Variants in TOX observed in about 807,000 individuals in gnomAD.
TOX encodes the protein thymocyte selection-associated high mobility group box protein TOX.
TOX carries 11 observed loss-of-function variants against 53.7 expected under a neutral mutation model. The observed-to-expected ratio is 0.20, with a 90% CI of 0.13 to 0.34. The LOEUF is 0.34. Ranked by LOEUF, TOX falls within the 10% of genes least tolerant of loss-of-function variation. The probability of loss-of-function intolerance (pLI) is 1.00; values close to 1 mark genes in which losing one functional copy is unlikely to be tolerated. For synonymous variants in TOX, 225 were observed against 245.3 expected, an observed-to-expected ratio of 0.92 and a Z score of 0.77; for missense variants, 570 against 664.6, an observed-to-expected ratio of 0.86 and a Z score of 1.56.
chr8:58,969,438 G>A (rs770071666), intron 1 of TOX, among the ~76,000 whole-genome samples: 15 of 151,966 alleles, frequency 9.9e-5, no homozygotes, highest in Non-Finnish European at 1.9e-4. Flanking sequence ...CATCATATCC[G>A]GAGTATAATG....
intron 1 of TOX, among the ~76,000 whole-genome samples, chr8:59,053,757 A>G (rs1275551517): frequency 1.3e-5 from 2 of 152,210 alleles, no homozygotes; most frequent in African/African-American, 4.8e-5. Context: ...AGATACTCAA[A>G]TGTCGAATCT....
chr8:59,084,141 T>A (rs893860779), intron 1 of TOX, among the ~76,000 whole-genome samples: 5 of 152,188 alleles, frequency 3.3e-5, no homozygotes, highest in Admixed American at 2.0e-4. Context: ...AAATACTTAT[T>A]CCATTCACTG....
At chr8:59,053,641 G>A (rs1405149828) in intron 1 of TOX, among the ~76,000 whole-genome samples, 1 of 152,152 alleles carries the variant, frequency 6.6e-6, no homozygotes, top group Non-Finnish European at 1.5e-5. Flanking sequence ...TATTGCTCAA[G>A]AGTCACTGCT....
chr8:58,990,390 G>A (rs1408472751), intron 1 of TOX, among the ~76,000 whole-genome samples: 1 of 150,898 alleles, frequency 6.6e-6, no homozygotes, highest in African/African-American at 2.4e-5. Context: ...TTCTTTTTTT[G>A]TTTCTGTTAT....
chr8:58,987,647 A>G (rs1813358457), intron 1 of TOX, among the ~76,000 whole-genome samples: 1 of 152,246 alleles, frequency 6.6e-6, no homozygotes, highest in Admixed American at 6.5e-5. Context: ...GGTCAACGAC[A>G]TGAAAAGTCA....
At chr8:58,890,141 T>C (rs1054315849) in intron 3 of TOX, among the ~76,000 whole-genome samples, 5 of 152,186 alleles carry the variant, frequency 3.3e-5, no homozygotes, top group African/African-American at 1.2e-4. Context: ...ACCAAATATA[T>C]TTGACAATAC....
intron 1 of TOX, among the ~76,000 whole-genome samples, chr8:59,021,117 A>AAG (rs1814119692): frequency 6.6e-6 from 1 of 151,254 alleles, no homozygotes; most frequent in Non-Finnish European, 1.5e-5. Context: ...TCAAAAAAAA[A>AAG]AAAAAAAAAA....
At chr8:59,046,858 CAAAAAAAAAAA>C (rs34869193) in intron 1 of TOX, among the ~76,000 whole-genome samples, 3 of 77,910 alleles carry the variant, frequency 3.9e-5, no homozygotes, top group African/African-American at 1.0e-4. Flanking sequence ...GACTATGTCT[CAAAAAAAAAAA>C]AAAAAAAAAA....
At chr8:59,037,385 T>A (rs1803488683) in intron 1 of TOX, among the ~76,000 whole-genome samples, 1 of 152,202 alleles carries the variant, frequency 6.6e-6, no homozygotes. Flanking sequence ...TAGAGTCAGA[T>A]TGTCAGTCTA....
intron 1 of TOX, among the ~76,000 whole-genome samples, chr8:59,019,966 A>ATAC (rs1171281508): frequency 6.6e-6 from 1 of 152,222 alleles, no homozygotes; most frequent in African/African-American, 2.4e-5. Context: ...TAAATATGAA[A>ATAC]TACTATATAC....
chr8:59,006,736 G>A (rs1354938724), intron 1 of TOX, among the ~76,000 whole-genome samples: 1 of 152,144 alleles, frequency 6.6e-6, no homozygotes, highest in Non-Finnish European at 1.5e-5. Flanking sequence ...ACTGGCCTTT[G>A]CTTCTTGAGG....
intron 1 of TOX, among the ~76,000 whole-genome samples, chr8:59,038,034 C>T (rs556929157): frequency 9.2e-5 from 14 of 152,150 alleles, no homozygotes; most frequent in African/African-American, 3.4e-4. Flanking sequence ...TTTGAAATGC[C>T]AGACTTCCCT....
rs190967724 is a variant in TOX at position 58,817,635 on chromosome 8, C to T, written c.1006-1911G>A. ...TGTTTAAGTAATCTGGAAAAGTGTT[C>T]GGTATGTTTGAATTCCCTCTTTTTA... On this transcript the variant is annotated intron_variant, in intron 6 of 8. Coordinates refer to ENST00000361421, the MANE Select transcript of TOX (RefSeq NM_014729.3). Among the ~76,000 whole-genome samples the T allele has an allele frequency of 2.4e-4, 37 of 152,182 alleles. No individual in the cohort carries two copies. In the East Asian group the frequency reaches 2.9e-3, roughly 12 times the overall value.
chr8:58,975,799 C>T (rs537296277), intron 1 of TOX, among the ~76,000 whole-genome samples: 11 of 152,110 alleles, frequency 7.2e-5, no homozygotes, highest in South Asian at 4.2e-4. Context: ...ATAGGCCAGG[C>T]GCAGTGGCTC....
intron 7 of TOX, among the ~76,000 whole-genome samples, chr8:58,811,344 G>A (rs2129163885): frequency 6.6e-6 from 1 of 152,240 alleles, no homozygotes; most frequent in Middle Eastern, 3.4e-3. Flanking sequence ...TTCATTTTCT[G>A]GTGCCAGATT....
intron 2 of TOX, among the ~76,000 whole-genome samples, chr8:58,957,079 T>A (rs996651380): frequency 6.6e-6 from 1 of 152,226 alleles, no homozygotes; most frequent in African/African-American, 2.4e-5. Context: ...CAGCTGCTCA[T>A]CTGGCTTCCT....
intron 1 of TOX, among the ~76,000 whole-genome samples, chr8:59,004,599 C>G (rs1044997666): frequency 1.3e-5 from 2 of 152,120 alleles, no homozygotes; most frequent in African/African-American, 2.4e-5. Flanking sequence ...AAGAACATAG[C>G]CTTTGTGTAG....
At chr8:59,081,818 G>A (rs1241574062) in intron 1 of TOX, among the ~76,000 whole-genome samples, 1 of 152,126 alleles carries the variant, frequency 6.6e-6, no homozygotes, top group African/African-American at 2.4e-5. Context: ...AAAAGCCATA[G>A]ATAACTGACA....
chr8:58,896,039 A>C (rs561928744), intron 3 of TOX, among the ~76,000 whole-genome samples: 4 of 152,304 alleles, frequency 2.6e-5, no homozygotes, highest in African/African-American at 9.6e-5. Flanking sequence ...TCAGACTTTT[A>C]GTTCTCTCCT....
Sources: gnomAD v4.1 joint callset for allele counts (sites outside exome capture counted in the v4.1 genomes callset) on GRCh38, gnomAD v4.1.1 for gene constraint, MANE v1.5 for transcripts, NCBI Gene and HGNC (gene_info 2026-07-23, HGNC 2026-07-21) for gene names.